ADD1: variants seen among roughly 807,000 people sequenced by gnomAD.
ADD1 encodes the protein alpha-adducin.
Under a neutral mutation model 80.5 loss-of-function variants are expected in ADD1, and 24 were observed. The ratio of observed to expected loss-of-function variants is 0.30; its 90% CI spans 0.22 to 0.42. The LOEUF is 0.42. Ranked by LOEUF, ADD1 falls within the 10% of genes least tolerant of loss-of-function variation. The probability of loss-of-function intolerance (pLI) is 1.00; values close to 1 mark genes in which losing one functional copy is unlikely to be tolerated. For synonymous variants in ADD1, 373 were observed against 393.8 expected, an observed-to-expected ratio of 0.95 and a Z score of 0.63; for missense variants, 948 against 1,019.0, an observed-to-expected ratio of 0.93 and a Z score of 0.95.
At chr4:2,889,505 G>C (rs1733949262) in intron 4 of ADD1, among the ~76,000 whole-genome samples, 1 of 152,082 alleles carries the variant, frequency 6.6e-6, no homozygotes, top group Non-Finnish European at 1.5e-5. Context: ...TACATTTAAA[G>C]TAGACAAACT....
chr4:2,887,245 A>C (rs536400969), intron 4 of ADD1, among the ~76,000 whole-genome samples: 1 of 152,212 alleles, frequency 6.6e-6, no homozygotes, highest in South Asian at 2.1e-4. Context: ...CTTATTTACT[A>C]TCTAGGTATG....
intron 2 of ADD1, among the ~76,000 whole-genome samples, chr4:2,879,898 A>G (rs1160027787): frequency 6.6e-6 from 1 of 152,122 alleles, no homozygotes; most frequent in Non-Finnish European, 1.5e-5. Context: ...TATTTTTAGT[A>G]GAGATGAGGT....
chr4:2,909,014 TGTG>T (rs1362691587), intron 12 of ADD1: 2 of 457,078 alleles, frequency 4.4e-6, no homozygotes, highest in Non-Finnish European at 8.0e-6. Context: ...TGCCTGTAAG[TGTG>T]GTGCACATTT....
At chr4:2,851,986 G>A (rs1269316529) in intron 1 of ADD1, among the ~76,000 whole-genome samples, 1 of 151,986 alleles carries the variant, frequency 6.6e-6, no homozygotes, top group Admixed American at 6.6e-5. Flanking sequence ...TTACAGGCAT[G>A]CATCACTACG....
chr4:2,921,794 T>C (rs908387956), intron 14 of ADD1, among the ~76,000 whole-genome samples: 1 of 152,168 alleles, frequency 6.6e-6, no homozygotes, highest in Non-Finnish European at 1.5e-5. Context: ...GCTTTGGTCT[T>C]TTCACATAGT....
At chr4:2,877,835 G>A (rs1731604863) in intron 2 of ADD1, among the ~76,000 whole-genome samples, 2 of 152,144 alleles carry the variant, frequency 1.3e-5, no homozygotes, top group Admixed American at 1.3e-4. Context: ...AATTAGCTAG[G>A]TGTGGTGGCA....
intron 11 of ADD1, among the ~76,000 whole-genome samples, 185 bp from the exon 12 acceptor site, chr4:2,908,330 C>T (rs1030797239): frequency 2.0e-5 from 3 of 152,224 alleles, no homozygotes; most frequent in Non-Finnish European, 4.4e-5. Flanking sequence ...CCCTGCAGAC[C>T]CACGCCCCAC....
intron 4 of ADD1, among the ~76,000 whole-genome samples, chr4:2,890,953 A>G (rs562201081): frequency 2.0e-5 from 3 of 152,114 alleles, no homozygotes; most frequent in Non-Finnish European, 4.4e-5. Context: ...TGAGCTTAGC[A>G]ATTAGACAAC....
At chr4:2,845,606 C>T (rs1274285909) in intron 1 of ADD1, among the ~76,000 whole-genome samples, 1 of 152,096 alleles carries the variant, frequency 6.6e-6, no homozygotes, top group African/African-American at 2.4e-5. Flanking sequence ...TCTAGCCAGT[C>T]CCCGAATTGT....
chr4:2,846,747 G>A (rs1271499235), intron 1 of ADD1, among the ~76,000 whole-genome samples: 1 of 148,952 alleles, frequency 6.7e-6, no homozygotes, highest in Non-Finnish European at 1.5e-5. Flanking sequence ...AAGATGGTAC[G>A]AACCTGTGAG....
chr4:2,874,316 C>T (rs998607995), intron 1 of ADD1, among the ~76,000 whole-genome samples: 42 of 152,004 alleles, frequency 2.8e-4, no homozygotes, highest in African/African-American at 9.4e-4. Context: ...TTTAAGTTCT[C>T]GAAGTAGTGG....
chr4:2,844,398 G>C (rs1314936552), intron 1 of ADD1: 4 of 152,324 alleles, frequency 2.6e-5, no homozygotes, highest in African/African-American at 9.6e-5. Flanking sequence ...GCGGTCCGCA[G>C]CGCTGGTGGC....
chr4:2,910,410 C>T (rs1278758142), intron 13 of ADD1, among the ~76,000 whole-genome samples: 1 of 152,204 alleles, frequency 6.6e-6, no homozygotes, highest in East Asian at 1.9e-4. Flanking sequence ...ATTAATTCCA[C>T]AGGTCCTGTT....
intron 3 of ADD1, among the ~76,000 whole-genome samples, chr4:2,883,530 GT>G: frequency 6.6e-6 from 1 of 151,828 alleles, no homozygotes; most frequent in East Asian, 1.9e-4. Flanking sequence ...TTGTTTGTTT[GT>G]TTTGTGTATT....
Position 2,861,319 on chromosome 4 carries a change from G to T in ADD1, c.-20-14577G>T, listed in dbSNP as rs556393059. Among the ~76,000 whole-genome samples, 241 of 152,234 alleles carry T rather than the reference G, an allele frequency of 1.6e-3. 1 individual carries two copies. Among genetic ancestry groups the T allele is most frequent in the Middle Eastern group, 0.01 (3 of 294 alleles). Reference sequence around the variant, plus strand: ...GCCATTGAACTCTTGGCCCCAAGTGGTCCTTGGCCTCCCAAAGTGCTGGGA... The same window carrying T: ...GCCATTGAACTCTTGGCCCCAAGTGTTCCTTGGCCTCCCAAAGTGCTGGGA... On this transcript the variant is annotated intron_variant, in intron 1 of 15. Transcript: ENST00000683351.
intron 1 of ADD1, 73 bp from the exon 2 acceptor site, chr4:2,875,823 C>G (rs930004153): frequency 8.2e-7 from 1 of 1,222,560 alleles, no homozygotes; most frequent in Non-Finnish European, 1.1e-6. Context: ...GTTTACCAAG[C>G]TCATGTGCTC....
chr4:2,892,025 G>A (rs1734374703), intron 4 of ADD1, among the ~76,000 whole-genome samples: 1 of 152,186 alleles, frequency 6.6e-6, no homozygotes, highest in Non-Finnish European at 1.5e-5. Flanking sequence ...GTTTATGACA[G>A]TGCTTCAGCG....
intron 14 of ADD1, among the ~76,000 whole-genome samples, chr4:2,918,075 T>A (rs995285220): frequency 2.6e-5 from 4 of 152,254 alleles, no homozygotes; most frequent in African/African-American, 9.6e-5. Context: ...CAGTGGTAGC[T>A]TGATGGGCAT....
At chr4:2,878,673 C>G (rs1417246823) in intron 2 of ADD1, among the ~76,000 whole-genome samples, 1 of 152,052 alleles carries the variant, frequency 6.6e-6, no homozygotes, top group East Asian at 1.9e-4. Context: ...ACCTGTAGTC[C>G]CAGTGCTTTG....
Sources: gnomAD v4.1 joint callset for allele counts (sites outside exome capture counted in the v4.1 genomes callset) on GRCh38, gnomAD v4.1.1 for gene constraint, MANE v1.5 for transcripts, NCBI Gene and HGNC (gene_info 2026-07-23, HGNC 2026-07-21) for gene names.